The following KCNMA1 variants were observed in gnomAD, a reference collection of about 807,000 sequenced individuals.
KCNMA1 encodes the protein Calcium-activated potassium channel subunit alpha-1.
Under a neutral mutation model 140.0 loss-of-function variants are expected in KCNMA1, and 29 were observed. The ratio of observed to expected loss-of-function variants is 0.21; its 90% confidence interval spans 0.15 to 0.28. KCNMA1 has a LOEUF of 0.28. KCNMA1 is among the 10% of genes least tolerant of loss of function. KCNMA1 has a pLI of 1.00. For missense variants in KCNMA1, 880 were observed against 1,602.2 expected (o/e 0.55, Z 7.70); for synonymous variants, 612 against 611.9 (o/e 1.00, Z 0.00).
chr10:77,206,268 G>T (rs1456622754), intron 3 of KCNMA1, among the ~76,000 whole-genome samples: 2 of 152,278 alleles, frequency 1.3e-5, no homozygotes, highest in African/African-American at 2.4e-5. Context: ...TAATCTCATT[G>T]TGTTCTAACT....
At chr10:77,585,893 T>C (rs892492291) in intron 1 of KCNMA1, among the ~76,000 whole-genome samples, 1 of 152,198 alleles carries the variant, frequency 6.6e-6, no homozygotes, top group Non-Finnish European at 1.5e-5. Flanking sequence ...TAAAAAGCAG[T>C]GCTATTTCTG....
intron 2 of KCNMA1, among the ~76,000 whole-genome samples, chr10:77,325,941 T>A (rs531451539): frequency 1.3e-5 from 2 of 152,240 alleles, no homozygotes; most frequent in East Asian, 3.9e-4. Context: ...ACTCACATGG[T>A]CCTTTGAGTT....
chr10:77,455,430 C>T (rs2154521864), intron 1 of KCNMA1, among the ~76,000 whole-genome samples: 1 of 152,306 alleles, frequency 6.6e-6, no homozygotes, highest in Admixed American at 6.5e-5. Context: ...CTGCCCAGCC[C>T]ATTCTAGGCT....
chr10:76,899,034 A>G (rs1393298314), intron 25 of KCNMA1, among the ~76,000 whole-genome samples: 1 of 152,106 alleles, frequency 6.6e-6, no homozygotes, highest in African/African-American at 2.4e-5. Flanking sequence ...GAGAATTAAC[A>G]GTATTATTCC....
At chr10:77,012,587 G>T (rs1171122075) in intron 17 of KCNMA1, 6 of 1,523,728 alleles carry the variant, frequency 3.9e-6, no homozygotes, top group Middle Eastern at 4.0e-4. Context: ...AAAGCCACGA[G>T]TCAGTGGGTT....
rs142202422 is a variant in KCNMA1, at chr10:77,038,877, G to A, written c.1859+651C>T. On this transcript the variant is annotated intron_variant, in intron 15 of 27. Transcript: ENST00000286628. The stretch of plus-strand genomic sequence containing the variant: ...TGTCATGCCTCACGGCAGACACCTG[G>A]AGCTCTTGAGGTCATCCCCCATAGG... Among the ~76,000 whole-genome samples, 94 of 152,262 alleles carry A rather than the reference G, an allele frequency of 6.2e-4. 1 individual carries two copies. Among genetic ancestry groups the A allele is most frequent in the Middle Eastern group, 3.4e-3 (1 of 294 alleles).
intron 2 of KCNMA1, among the ~76,000 whole-genome samples, chr10:77,400,314 C>G (rs1022582983): frequency 6.6e-6 from 1 of 152,212 alleles, no homozygotes; most frequent in Non-Finnish European, 1.5e-5. Flanking sequence ...TCTGCATGGC[C>G]CCAACAGCCT....
intron 23 of KCNMA1, among the ~76,000 whole-genome samples, chr10:76,927,958 G>T (rs1318780850): frequency 1.3e-5 from 2 of 152,074 alleles, no homozygotes; most frequent in African/African-American, 4.8e-5. Context: ...TTTAGGAAAA[G>T]GAAAATGCAA....
chr10:77,472,698 T>C (rs541267808), intron 1 of KCNMA1, among the ~76,000 whole-genome samples: 1 of 152,372 alleles, frequency 6.6e-6, no homozygotes, highest in South Asian at 2.1e-4. Context: ...TCTGTTGTTG[T>C]TTGGCACTAC....
At chr10:77,079,432 G>A (rs1419126318) in intron 13 of KCNMA1, 49 bp downstream of exon 13, 5 of 1,017,932 alleles carry the variant, frequency 4.9e-6, no homozygotes, top group African/African-American at 1.6e-5. Flanking sequence ...AGAAGAGGCT[G>A]GACCTGTGGA....
At chr10:77,060,460 G>A (rs2095698768) in intron 14 of KCNMA1, among the ~76,000 whole-genome samples, 2 of 152,162 alleles carry the variant, frequency 1.3e-5, no homozygotes, top group East Asian at 1.9e-4. Flanking sequence ...TGGCTGTCCT[G>A]CCATTGCATT....
At chr10:76,891,773 C>A in intron 25 of KCNMA1, 54 bp from the exon 26 acceptor site, 1 of 1,440,644 alleles carries the variant, frequency 6.9e-7, no homozygotes, top group South Asian at 1.1e-5. Context: ...ACCCTAAAGT[C>A]ATGACAGCCG....
At chr10:77,182,102 A>C (rs1382782918) in intron 5 of KCNMA1, among the ~76,000 whole-genome samples, 2 of 152,214 alleles carry the variant, frequency 1.3e-5, no homozygotes, top group African/African-American at 4.8e-5. Flanking sequence ...ACATTTTTTA[A>C]GTTATCCATC....
Position 77,100,455 on chromosome 10 carries a change from C to A in KCNMA1, c.1223+8026G>T, listed in dbSNP as rs1194930139. Among the ~76,000 whole-genome samples, 6 of 152,274 alleles carry A rather than the reference C, an allele frequency of 3.9e-5. No individual in the cohort carries two copies. The East Asian group carries it at 1.2e-3, about 29-fold the overall frequency. The stretch of plus-strand genomic sequence containing the variant: ...TGTGGTTCTGGGGGTGACAGCAGGC[C>A]ATTGTGATGCAACACCAGTACTGGC... On this transcript the variant is annotated intron_variant, in intron 9 of 27. Transcript: ENST00000286628.
chr10:77,192,106 T>G (rs574143355), intron 3 of KCNMA1, among the ~76,000 whole-genome samples: 6 of 152,150 alleles, frequency 3.9e-5, no homozygotes, highest in Non-Finnish European at 8.8e-5. Context: ...AGCAGTTGAC[T>G]TCAGAGCAGT....
intron 5 of KCNMA1, chr10:77,140,655 A>C (rs1467676349): frequency 6.6e-6 from 1 of 152,152 alleles, no homozygotes; most frequent in Non-Finnish European, 1.5e-5. Context: ...GGTCACCAGC[A>C]TCTATGTCCT....
At chr10:77,564,469 A>C (rs1055652603) in intron 1 of KCNMA1, among the ~76,000 whole-genome samples, 3 of 152,140 alleles carry the variant, frequency 2.0e-5, no homozygotes, top group African/African-American at 7.2e-5. Flanking sequence ...TGTAATCCCA[A>C]CTACTCTGGA....
intron 22 of KCNMA1, chr10:76,948,891 G>A: frequency 1.8e-6 from 1 of 562,070 alleles, no homozygotes; most frequent in Non-Finnish European, 3.2e-6. Context: ...CGCTGATATG[G>A]TTAATATACT....
intron 16 of KCNMA1, among the ~76,000 whole-genome samples, chr10:77,023,375 A>AT (rs2093072515): frequency 6.6e-6 from 1 of 152,050 alleles, no homozygotes; most frequent in Non-Finnish European, 1.5e-5. Flanking sequence ...TCTCCCTTTC[A>AT]TTTTTGGTAG....
Sources: gnomAD v4.1 joint callset for allele counts (sites outside exome capture counted in the v4.1 genomes callset) on GRCh38, gnomAD v4.1.1 for gene constraint, MANE v1.5 for transcripts, NCBI Gene and HGNC (gene_info 2026-07-23, HGNC 2026-07-21) for gene names.